GRIN2B: variants seen among roughly 807,000 people sequenced by gnomAD.
The protein encoded by GRIN2B is glutamate ionotropic receptor NMDA type subunit 2B.
A neutral mutation model predicts 114.5 loss-of-function variants in GRIN2B; 5 were observed. The ratio of observed to expected loss-of-function variants is 0.04; its 90% CI spans 0.02 to 0.09. The LOEUF (loss-of-function observed/expected upper bound fraction) is 0.09, where lower values mean the gene tolerates loss of function less well. Ranked by LOEUF, GRIN2B falls within the 10% of genes least tolerant of loss-of-function variation. The pLI is 1.00. For missense variants in GRIN2B, 1,108 were observed against 1,943.5 expected, an observed-to-expected ratio of 0.57 and a Z score of 8.08; for synonymous variants, 787 against 745.1, an observed-to-expected ratio of 1.06 and a Z score of -0.92.
At chr12:13,823,877 C>A (rs977397480) in intron 3 of GRIN2B, among the ~76,000 whole-genome samples, 1 of 152,064 alleles carries the variant, frequency 6.6e-6, no homozygotes, top group Admixed American at 6.5e-5. Context: ...TCAATTTTTT[C>A]AAACTGTTCC....
intron 4 of GRIN2B, among the ~76,000 whole-genome samples, chr12:13,706,337 A>T (rs1434225305): frequency 6.6e-6 from 1 of 152,180 alleles, no homozygotes; most frequent in Non-Finnish European, 1.5e-5. Flanking sequence ...ATCATATTCT[A>T]ACTCTGTTAA....
chr12:13,674,545 TC>T (rs1271881242), intron 5 of GRIN2B, among the ~76,000 whole-genome samples: 1 of 152,130 alleles, frequency 6.6e-6, no homozygotes, highest in African/African-American at 2.4e-5. Context: ...TAACTAGCTG[TC>T]CAGGGCTCTC....
intron 4 of GRIN2B, among the ~76,000 whole-genome samples, chr12:13,686,993 C>G (rs1462400294): frequency 6.6e-6 from 1 of 152,122 alleles, no homozygotes; most frequent in Non-Finnish European, 1.5e-5. Flanking sequence ...ACCCCCCTCC[C>G]CGACCTTGCT....
At chr12:13,840,321 T>C (rs900918905) in intron 3 of GRIN2B, among the ~76,000 whole-genome samples, 4 of 152,264 alleles carry the variant, frequency 2.6e-5, no homozygotes, top group Non-Finnish European at 1.5e-5. Context: ...CAGAATAAAA[T>C]AGGTAAAAAT....
chr12:13,569,803 T>A (rs1327093621), intron 12 of GRIN2B, 27 bp downstream of exon 12: 9 of 1,496,838 alleles, frequency 6.0e-6, no homozygotes, highest in Non-Finnish European at 8.2e-6. Flanking sequence ...AGAGGACAAA[T>A]GGGCACTTTC....
Position 13,883,256 on chromosome 12 carries a change from T to C in GRIN2B, c.-18-17030A>G, listed in dbSNP as rs1318557670. Among the ~76,000 whole-genome samples the C allele has an allele frequency of 2.0e-5, 3 of 152,218 alleles. No homozygotes were observed. In the East Asian group the frequency reaches 5.8e-4, roughly 29 times the overall value. On this transcript the variant is annotated intron_variant, in intron 2 of 13. Transcript: ENST00000609686. Reference sequence around the variant, plus strand: ...TAGTGTGGATATATGTTTTTGCTTTTCTTAAGTAGGTACCTGACAGTGGGA... The same window carrying C: ...TAGTGTGGATATATGTTTTTGCTTTCCTTAAGTAGGTACCTGACAGTGGGA...
chr12:13,633,872 C>T (rs897367382), intron 5 of GRIN2B, among the ~76,000 whole-genome samples: 2 of 151,884 alleles, frequency 1.3e-5, no homozygotes, highest in African/African-American at 4.8e-5. Flanking sequence ...CTGATTCTCC[C>T]TTGGCTCAGG....
intron 5 of GRIN2B, among the ~76,000 whole-genome samples, chr12:13,656,887 G>A (rs527700866): frequency 4.6e-5 from 7 of 152,222 alleles, no homozygotes; most frequent in African/African-American, 1.2e-4. Flanking sequence ...GATGGAAACC[G>A]AAGCCCAGGG....
chr12:13,784,662 G>C (rs1488573289), intron 3 of GRIN2B, among the ~76,000 whole-genome samples: 5 of 148,788 alleles, frequency 3.4e-5, no homozygotes, highest in African/African-American at 1.2e-4. Context: ...GCCTCCAGAG[G>C]CTTTGCATAC....
At chr12:13,733,196 G>T (rs1035766096) in intron 4 of GRIN2B, among the ~76,000 whole-genome samples, 3 of 152,116 alleles carry the variant, frequency 2.0e-5, no homozygotes, top group Non-Finnish European at 2.9e-5. Context: ...GGAGGACAAG[G>T]TTTATGGGGG....
intron 2 of GRIN2B, among the ~76,000 whole-genome samples, chr12:13,883,426 A>G (rs1302652370): frequency 1.3e-5 from 2 of 152,036 alleles, no homozygotes; most frequent in Non-Finnish European, 2.9e-5. Context: ...AAGTCTTGTG[A>G]ATGTTCTTTT....
At chr12:13,813,625 T>C (rs958930014) in intron 3 of GRIN2B, among the ~76,000 whole-genome samples, 1 of 152,202 alleles carries the variant, frequency 6.6e-6, no homozygotes, top group Non-Finnish European at 1.5e-5. Flanking sequence ...CTACAGCAGA[T>C]GAGGAAGCCG....
At chr12:13,905,579 A>G (rs1342630134) in intron 2 of GRIN2B, among the ~76,000 whole-genome samples, 2 of 152,084 alleles carry the variant, frequency 1.3e-5, no homozygotes, top group African/African-American at 4.8e-5. Context: ...TTCTTTGACT[A>G]TACTATTCAC....
Position 13,562,891 on chromosome 12 carries a change from C to G in GRIN2B, c.4347G>C (p.Gly1449=). The G allele has an allele frequency of 1.2e-6, 2 of 1,614,172 alleles. No homozygotes were observed. The highest frequency in any genetic ancestry group is 1.7e-6 in the Non-Finnish European group (2 of 1,180,004). The stretch of plus-strand genomic sequence containing the variant: ...TAGGCACACAGGGGTTGGACTGGTT[C>G]CCTATACAGATGTCCTTCTGGAAAC... ...PARFQKDICI[G]NQSNPCVPNN... The change falls in exon 14 of 14, where the codon GGG becomes GGC. Residue 1449 remains glycine (G), a synonymous_variant. Transcript: ENST00000609686.
At chr12:13,739,125 A>C (rs1863233158) in intron 4 of GRIN2B, among the ~76,000 whole-genome samples, 1 of 152,138 alleles carries the variant, frequency 6.6e-6, no homozygotes, top group African/African-American at 2.4e-5. Flanking sequence ...TCACGCCTGT[A>C]ATCCCAGCAC....
intron 3 of GRIN2B, among the ~76,000 whole-genome samples, chr12:13,794,138 G>A (rs1338244375): frequency 1.4e-5 from 2 of 147,172 alleles, no homozygotes; most frequent in Non-Finnish European, 1.5e-5. Context: ...TTGGGAGGTG[G>A]AGGTTGTAGT....
chr12:13,891,784 C>T (rs1317985670), intron 2 of GRIN2B, among the ~76,000 whole-genome samples: 1 of 152,146 alleles, frequency 6.6e-6, no homozygotes, highest in Non-Finnish European at 1.5e-5. Context: ...CCATTATGAT[C>T]ACCATCGTCA....
intron 4 of GRIN2B, among the ~76,000 whole-genome samples, chr12:13,701,287 CA>C (rs1950310522): frequency 1.3e-5 from 2 of 152,218 alleles, no homozygotes; most frequent in South Asian, 4.2e-4. Context: ...CTAACCATAT[CA>C]GGTTGGTTAT....
Position 13,563,705 on chromosome 12 carries a change from T to G in GRIN2B, c.3533A>C (p.His1178Pro). The G allele has an allele frequency of 6.2e-7, 1 of 1,613,632 alleles. No individual in the cohort carries two copies. Among genetic ancestry groups the G allele is most frequent in the South Asian group, 1.1e-5 (1 of 91,084 alleles). The change falls in exon 14 of 14, where the codon CAC (histidine) becomes CCC (proline). Residue 1178 changes from histidine (H) to proline (P), a missense_variant. By Grantham distance (77) the His-to-Pro change is moderately conservative (BLOSUM62 -2). Around this residue, in one of 19 missense-constraint regions of GRIN2B, gnomAD observed 478 missense variants for 506.0 expected, o/e 0.94. Transcript: ENST00000609686. ...SGGGPCTNRSHIKHGTGDKHG... is the reference protein window; with the variant it reads ...SGGGPCTNRSPIKHGTGDKHG... ...TTTGTCGCCCGTCCCGTGCTTGATGTGAGACCTGTTGGTACAGGGCCCTCC... is the reference window on the plus strand; with the variant it reads ...TTTGTCGCCCGTCCCGTGCTTGATGGGAGACCTGTTGGTACAGGGCCCTCC...
Sources: gnomAD v4.1 joint callset for allele counts (sites outside exome capture counted in the v4.1 genomes callset) on GRCh38, gnomAD v4.1.1 for gene constraint, gnomAD v4.1.1 regional missense constraint, MANE v1.5 for transcripts, NCBI Gene and HGNC (gene_info 2026-07-23, HGNC 2026-07-21) for gene names.